SYNE2: variants seen among roughly 807,000 people sequenced by gnomAD.
SYNE2 encodes the protein nesprin-2.
In SYNE2, 431 loss-of-function variants were observed where a neutral mutation model predicts 856.3. That is an observed-to-expected ratio of 0.50 (90% CI 0.47 to 0.55). The LOEUF (loss-of-function observed/expected upper bound fraction) is 0.55, where lower values mean the gene tolerates loss of function less well. Among genes scored for constraint, SYNE2 ranks in the 20% least tolerant of loss-of-function variants. The pLI is 0.00. For missense variants in SYNE2, 8,129 were observed against 8,023.2 expected, an observed-to-expected ratio of 1.01 and a Z score of -0.50; for synonymous variants, 2,923 against 2,872.3, an observed-to-expected ratio of 1.02 and a Z score of -0.56.
intron 57 of SYNE2, among the ~76,000 whole-genome samples, chr14:64,083,489 A>G (rs568415727): frequency 2.0e-5 from 3 of 152,242 alleles, no homozygotes; most frequent in African/African-American, 7.2e-5. Flanking sequence ...TAAAAATGTA[A>G]AAGCATCTCT....
chr14:64,219,867 T>C (rs2098686566), intron 110 of SYNE2, among the ~76,000 whole-genome samples: 1 of 152,154 alleles, frequency 6.6e-6, no homozygotes, highest in African/African-American at 2.4e-5. Flanking sequence ...TACCCTTTTA[T>C]GCAATTAGGA....
intron 1 of SYNE2, among the ~76,000 whole-genome samples, chr14:63,817,814 A>G (rs1889055213): frequency 6.6e-6 from 1 of 150,740 alleles, no homozygotes; most frequent in Non-Finnish European, 1.5e-5. Context: ...GCTTGAGCCC[A>G]GGAGTTCAAG....
intron 6 of SYNE2, 32 bp downstream of exon 6, chr14:63,942,175 T>C: frequency 7.8e-7 from 1 of 1,281,002 alleles, no homozygotes; most frequent in Non-Finnish European, 1.1e-6. Context: ...AAATTATTTC[T>C]ACCCTACCAC....
intron 54 of SYNE2, among the ~76,000 whole-genome samples, chr14:64,077,801 C>G (rs2097480033): frequency 6.6e-6 from 1 of 151,984 alleles, no homozygotes; most frequent in Non-Finnish European, 1.5e-5. Flanking sequence ...ATTATCTTTC[C>G]TAGCTCAAGG....
At position 64,130,104 on chromosome 14, in the gene SYNE2, C is replaced by A; in HGVS notation, c.14196C>A (p.Ser4732Arg). ...GAGCCAGGTACACAGAACTCAGCAG[C>A]CCTTTCGTCACTGAGAGCCAGCAAG... Reference protein sequence around the residue: ...MLRARYTELSSPFVTESQQDA... With the variant: ...MLRARYTELSRPFVTESQQDA... The change falls in exon 76 of 116, where the codon AGC (serine) becomes AGA (arginine). Residue 4732 changes from serine to arginine, a missense_variant. Coordinates refer to ENST00000555002, the MANE Select transcript of SYNE2 (RefSeq NM_182914.3). 1 of 1,614,178 alleles carries A rather than the reference C, an allele frequency of 6.2e-7. No homozygotes were observed. Among genetic ancestry groups the A allele is most frequent in the Non-Finnish European group, 8.5e-7 (1 of 1,180,028 alleles).
intron 1 of SYNE2, among the ~76,000 whole-genome samples, chr14:63,789,244 C>T (rs1048762944): frequency 9.9e-5 from 15 of 152,190 alleles, no homozygotes; most frequent in African/African-American, 3.6e-4. Flanking sequence ...CAGGTTTGCT[C>T]TCAGTGCCTG....
At chr14:63,814,512 A>G (rs1031864044) in intron 1 of SYNE2, among the ~76,000 whole-genome samples, 4 of 141,510 alleles carry the variant, frequency 2.8e-5, no homozygotes, top group African/African-American at 1.0e-4. Context: ...TATAATATAT[A>G]TATCCATTAT....
chr14:63,940,942 A>G (rs998455850), intron 3 of SYNE2, among the ~76,000 whole-genome samples: 3 of 152,228 alleles, frequency 2.0e-5, no homozygotes, highest in Non-Finnish European at 4.4e-5. Context: ...CTCTTTCATC[A>G]AGTGAAGTAA....
chr14:63,933,278 G>A (rs1214961715), intron 2 of SYNE2, among the ~76,000 whole-genome samples: 1 of 152,122 alleles, frequency 6.6e-6, no homozygotes, highest in African/African-American at 2.4e-5. Flanking sequence ...CTACCAGGGA[G>A]GACTCCTGGA....
intron 52 of SYNE2, among the ~76,000 whole-genome samples, chr14:64,071,845 C>T (rs1486102412): frequency 2.0e-5 from 3 of 151,236 alleles, no homozygotes; most frequent in Admixed American, 6.6e-5. Flanking sequence ...GGTAAAACCC[C>T]GTCTCTACTA....
At chr14:63,901,955 C>T (rs1488714089) in intron 1 of SYNE2, among the ~76,000 whole-genome samples, 2 of 151,674 alleles carry the variant, frequency 1.3e-5, no homozygotes, top group Non-Finnish European at 2.9e-5. Flanking sequence ...AAACCAAAAC[C>T]CCCAAATAGC....
At chr14:64,118,365 A>AT (rs924506904) in intron 66 of SYNE2, among the ~76,000 whole-genome samples, 1 of 152,170 alleles carries the variant, frequency 6.6e-6, no homozygotes, top group African/African-American at 2.4e-5. Flanking sequence ...CAGCTGATAT[A>AT]TTTTTAGATT....
At position 64,010,090 on chromosome 14, in the gene SYNE2, G is replaced by A. The variant is rs1470521013; in HGVS notation, c.4702G>A (p.Glu1568Lys). The A allele has an allele frequency of 6.2e-7, 1 of 1,613,376 alleles. No homozygotes were observed. The highest frequency in any genetic ancestry group is 8.5e-7 in the Non-Finnish European group (1 of 1,179,690). Residue 1568 changes from glutamate to lysine, a missense_variant, in exon 32 of 116, where the codon GAG becomes AAG. Coordinates refer to ENST00000555002, the MANE Select transcript of SYNE2 (RefSeq NM_182914.3). ...ISLQASYMGK[E>K]NLKKRIAEIE... Reference sequence around the variant, plus strand: ...CCTGCAGGCTTCGTACATGGGAAAGGAGAACCTGAAGAAAAGGATAGCAGA... The same window carrying A: ...CCTGCAGGCTTCGTACATGGGAAAGAAGAACCTGAAGAAAAGGATAGCAGA...
rs983105803 is a variant in SYNE2 at position 64,199,992 on chromosome 14, C to A, written c.18039-2809C>A. 3.3e-5 allele frequency among the ~76,000 whole-genome samples: 5 copies of A among 152,062 alleles called. 1 individual carries two copies. The highest frequency in any genetic ancestry group is 3.3e-4 in the Admixed American group (5 of 15,264). On this transcript the variant is annotated intron_variant, in intron 99 of 115. Transcript: ENST00000555002. ...TTATTCCCCCACCTTCTCCATACCC[C>A]CTCTGCGTGTTGCACACCTAACCCC...
intron 1 of SYNE2, among the ~76,000 whole-genome samples, chr14:63,768,542 A>C (rs1886775039): frequency 6.6e-6 from 1 of 152,256 alleles, no homozygotes; most frequent in Admixed American, 6.5e-5. Context: ...TAAATAGATG[A>C]AAATGTATCA....
intron 51 of SYNE2, among the ~76,000 whole-genome samples, chr14:64,067,789 G>A (rs2097369060): frequency 6.6e-6 from 1 of 152,160 alleles, no homozygotes; most frequent in Non-Finnish European, 1.5e-5. Flanking sequence ...ATTCACTTGT[G>A]TTATTCAGAA....
intron 2 of SYNE2, among the ~76,000 whole-genome samples, chr14:63,925,729 A>G (rs958168592): frequency 1.3e-5 from 2 of 152,108 alleles, no homozygotes; most frequent in Non-Finnish European, 1.5e-5. Context: ...CAGTTGTTTT[A>G]ATTTTTAGCT....
intron 2 of SYNE2, 23 bp downstream of exon 2, chr14:63,909,250 A>G: frequency 6.5e-7 from 1 of 1,538,210 alleles, no homozygotes; most frequent in Non-Finnish European, 9.0e-7. Flanking sequence ...GGGTGGGGGT[A>G]ACACCCACAG....
intron 1 of SYNE2, among the ~76,000 whole-genome samples, chr14:63,898,934 G>T (rs1186721772): frequency 6.6e-6 from 1 of 152,102 alleles, no homozygotes; most frequent in Non-Finnish European, 1.5e-5. Flanking sequence ...GATTCACATT[G>T]TTGTGTAACC....
Sources: allele counts gnomAD v4.1 joint callset (sites outside exome capture counted in the v4.1 genomes callset), GRCh38; gene constraint gnomAD v4.1.1; transcripts MANE v1.5; gene names NCBI Gene and HGNC (gene_info 2026-07-23, HGNC 2026-07-21).